ADD1: variants seen among roughly 807,000 people sequenced by gnomAD.
ADD1 encodes the protein alpha-adducin.
ADD1 carries 24 observed loss-of-function variants against 80.5 expected under a neutral mutation model. The observed-to-expected ratio is 0.30, with a 90% CI of 0.22 to 0.42. The LOEUF (loss-of-function observed/expected upper bound fraction) is 0.42, where lower values mean the gene tolerates loss of function less well. Ranked by LOEUF, ADD1 falls within the 10% of genes least tolerant of loss-of-function variation. The pLI, the probability that ADD1 is intolerant of heterozygous loss-of-function variation, is 1.00. For synonymous variants in ADD1, 373 were observed against 393.8 expected (o/e 0.95, Z 0.63); for missense variants, 948 against 1,019.0 (o/e 0.93, Z 0.95).
chr4:2,881,977 A>G lies in ADD1; in HGVS notation c.275A>G (p.Gln92Arg). 6.2e-7 allele frequency: 1 copy of G among 1,613,486 alleles called. No individual in the cohort carries two copies. The highest frequency in any genetic ancestry group is 1.1e-5 in the South Asian group (1 of 90,872). The change falls in exon 3 of 16, where the codon CAG (glutamine) becomes CGG (arginine). Residue 92 changes from glutamine to arginine, a missense_variant. Physicochemically the swap from Gln to Arg is conservative, Grantham distance 43 (BLOSUM62 1). Transcript: ENST00000683351. ...AACCCCACAGGCCTATTGGCATTAC[A>G]GCAGATTGCAGATTTTATGACCACG... ...GKNPTGLLAL[Q>R]QIADFMTTNV... is the part of the protein sequence containing the mutation.
chr4:2,917,236 G>A (rs1271903592), intron 14 of ADD1, among the ~76,000 whole-genome samples: 1 of 152,182 alleles, frequency 6.6e-6, no homozygotes, highest in African/African-American at 2.4e-5. Flanking sequence ...TGTAACTGGT[G>A]TGAGATGGTA....
At chr4:2,888,365 C>T (rs1057038506) in intron 4 of ADD1, among the ~76,000 whole-genome samples, 3 of 150,674 alleles carry the variant, frequency 2.0e-5, no homozygotes, top group Admixed American at 6.7e-5. Flanking sequence ...AGGTGTGAGC[C>T]ACTGTGCCCG....
chr4:2,898,644 T>A, intron 8 of ADD1, 113 bp downstream of exon 8: 1 of 912,220 alleles, frequency 1.1e-6, no homozygotes, highest in Non-Finnish European at 1.8e-6. Context: ...GCAATCTCTT[T>A]GCCAAAGATA....
chr4:2,867,715 G>A (rs977481292), intron 1 of ADD1, among the ~76,000 whole-genome samples: 1 of 152,218 alleles, frequency 6.6e-6, no homozygotes, highest in Non-Finnish European at 1.5e-5. Flanking sequence ...ACCCACTTGA[G>A]TAGGCTGGGA....
At chr4:2,900,583 A>G (rs2282773) in intron 9 of ADD1, 31,822 of 152,412 alleles carry the variant, frequency 0.21, 3,561 homozygotes, top group East Asian at 0.48. Flanking sequence ...GGCTTCAGGA[A>G]GCAGGGTGGC....
intron 9 of ADD1, among the ~76,000 whole-genome samples, chr4:2,903,180 C>G (rs1736476595): frequency 6.6e-6 from 1 of 152,158 alleles, no homozygotes; most frequent in Admixed American, 6.5e-5. Context: ...GGGCACAGGC[C>G]ACTGAAGTGT....
At chr4:2,919,710 A>G (rs1354704570) in intron 14 of ADD1, among the ~76,000 whole-genome samples, 4 of 150,890 alleles carry the variant, frequency 2.7e-5, no homozygotes, top group East Asian at 1.9e-4. Flanking sequence ...TATTGTGTCT[A>G]TTTGATTCTT....
intron 1 of ADD1, among the ~76,000 whole-genome samples, chr4:2,849,939 G>C (rs1726811327): frequency 6.6e-6 from 1 of 152,224 alleles, no homozygotes; most frequent in Admixed American, 6.5e-5. Context: ...ACATGAAAGA[G>C]AGAATGTTGT....
chr4:2,850,521 G>A (rs1272148020), intron 1 of ADD1, among the ~76,000 whole-genome samples: 1 of 152,140 alleles, frequency 6.6e-6, no homozygotes, highest in Non-Finnish European at 1.5e-5. Context: ...TGCCTCCCGG[G>A]TTCACGCCAT....
rs748552349 is a variant in ADD1 at position 2,899,371 on chromosome 4, C to T, written c.1097C>T (p.Ser366Leu). The change falls in exon 9 of 16, where the codon TCG becomes TTG. Residue 366 changes from serine (S) to leucine (L), a missense_variant. Ser to Leu is a moderately radical substitution (Grantham distance 145). Coordinates refer to ENST00000683351, the MANE Select transcript of ADD1 (RefSeq NM_001354761.2). ...PGSPVGEGTG[S>L]PPKWQIGEQE... Reference sequence around the variant, plus strand: ...TCTCCGGTAGGGGAAGGCACTGGATCGCCTCCCAAGTGGCAGATTGGTGAG... The same window carrying T: ...TCTCCGGTAGGGGAAGGCACTGGATTGCCTCCCAAGTGGCAGATTGGTGAG... The T allele has an allele frequency of 9.3e-6, 15 of 1,614,102 alleles. No individual in the cohort carries two copies. The highest frequency in any genetic ancestry group is 2.7e-5 in the African/African-American group (2 of 74,942).
At chr4:2,907,268 A>G (rs1427087090) in intron 10 of ADD1, 2 of 155,054 alleles carry the variant, frequency 1.3e-5, no homozygotes, top group African/African-American at 4.8e-5. Flanking sequence ...CTTTAATGCA[A>G]AACTTTGGTG....
Position 2,898,262 on chromosome 4 carries a change from C to T in ADD1, c.820C>T (p.His274Tyr). The T allele has an allele frequency of 1.9e-6, 3 of 1,614,188 alleles. No homozygotes were observed. The highest frequency in any genetic ancestry group is 2.5e-6 in the Non-Finnish European group (3 of 1,180,048). ...SLGEVAYHDYHGILVDEEEKV... is the reference protein window; with the variant it reads ...SLGEVAYHDYYGILVDEEEKV... ...TGGAGAAGTGGCTTATCATGACTAC[C>T]ATGGCATTCTGGTTGATGAAGAGGA... is the stretch of plus-strand genomic sequence containing the variant. Residue 274 changes from histidine to tyrosine, a missense_variant, in exon 7 of 16, where the codon CAT (histidine) becomes TAT (tyrosine). Coordinates refer to ENST00000683351, the MANE Select transcript of ADD1 (RefSeq NM_001354761.2).
At chr4:2,883,007 AC>A (rs1218701633) in intron 3 of ADD1, among the ~76,000 whole-genome samples, 3 of 152,130 alleles carry the variant, frequency 2.0e-5, no homozygotes, top group Non-Finnish European at 2.9e-5. Flanking sequence ...GATTACAGGC[AC>A]ACACCACCAC....
At chr4:2,910,758 C>T (rs954432457) in intron 13 of ADD1, among the ~76,000 whole-genome samples, 1 of 152,146 alleles carries the variant, frequency 6.6e-6, no homozygotes, top group Non-Finnish European at 1.5e-5. Context: ...TGGGGGCTTC[C>T]TGAACGATAG....
rs774182118 is a variant in ADD1, at chr4:2,875,958, C to A, written c.43C>A (p.Pro15Thr). 1 of 1,613,270 alleles carries A rather than the reference C, an allele frequency of 6.2e-7. No individual in the cohort carries two copies. Among genetic ancestry groups the A allele is most frequent in the Non-Finnish European group, 8.5e-7 (1 of 1,179,576 alleles). Reference protein sequence around the residue: ...SRAAVVTSPPPTTAPHKERYF... With the variant: ...SRAAVVTSPPTTTAPHKERYF... ...TGCTGCGGTGGTGACCTCACCACCCCCGACCACAGCCCCTCACAAGGAGAG... is the reference window on the plus strand; with the variant it reads ...TGCTGCGGTGGTGACCTCACCACCCACGACCACAGCCCCTCACAAGGAGAG... The change falls in exon 2 of 16, where the codon CCG (proline) becomes ACG (threonine). Residue 15 changes from proline to threonine, a missense_variant. Transcript: ENST00000683351.
At chr4:2,909,968 C>CA (rs35681850) in intron 13 of ADD1, among the ~76,000 whole-genome samples, 1,829 of 119,720 alleles carry the variant, frequency 0.015, 29 homozygotes, top group African/African-American at 0.037. Flanking sequence ...ATTTGTACCT[C>CA]AAAAAAAAAA....
At chr4:2,875,215 C>G (rs2108889553) in intron 1 of ADD1, among the ~76,000 whole-genome samples, 1 of 152,026 alleles carries the variant, frequency 6.6e-6, no homozygotes, top group South Asian at 2.1e-4. Context: ...GGTGGCAGAA[C>G]AAGACCCTGT....
intron 1 of ADD1, among the ~76,000 whole-genome samples, chr4:2,874,308 TAAGTTCTCG>T (rs1375259205): frequency 6.6e-6 from 1 of 152,150 alleles, no homozygotes; most frequent in Non-Finnish European, 1.5e-5. Flanking sequence ...GTTTTGCCTT[TAAGTTCTCG>T]AAGTAGTGGC....
chr4:2,875,911 G>C lies in ADD1; in HGVS notation c.-5G>C, dbSNP rs1419879014. 3 of 1,583,510 alleles carry C rather than the reference G, an allele frequency of 1.9e-6. No individual in the cohort carries two copies. Among genetic ancestry groups the C allele is most frequent in the Non-Finnish European group, 2.6e-6 (3 of 1,167,832 alleles). ...GATTCTGTAGGAACCTAGAAAGATT[G>C]TACAATGAATGGTGATTCTCGTGCT... On this transcript the variant is annotated 5_prime_UTR_variant, in exon 2 of 16. Transcript: ENST00000683351.
Sources: gnomAD v4.1 joint callset for allele counts (sites outside exome capture counted in the v4.1 genomes callset) on GRCh38, gnomAD v4.1.1 for gene constraint, MANE v1.5 for transcripts, NCBI Gene and HGNC (gene_info 2026-07-23, HGNC 2026-07-21) for gene names.